The following LEMD3 variants were observed in gnomAD, a reference collection of about 807,000 sequenced individuals.
The protein encoded by LEMD3 is LEM domain containing 3.
LEMD3 carries 33 observed loss-of-function variants against 95.2 expected under a neutral mutation model. That is an observed-to-expected ratio of 0.35 (90% CI 0.26 to 0.46). LEMD3 has a LOEUF of 0.46. LEMD3 is among the 20% of genes least tolerant of loss of function. The pLI, the probability that LEMD3 is intolerant of heterozygous loss-of-function variation, is 1.00. For missense variants in LEMD3, 1,210 were observed against 1,192.8 expected (o/e 1.01, Z -0.21); for synonymous variants, 525 against 474.6 (o/e 1.11, Z -1.38).
rs149201478 is a variant in LEMD3 at position 65,210,889 on chromosome 12, T to A, written c.1523-37T>A. 6.1e-4 allele frequency: 915 copies of A among 1,500,614 alleles called. 25 individuals carry two copies. The East Asian group carries it at 0.015, about 24-fold the overall frequency. 93.0% of individuals were successfully genotyped at this position (1,500,614 alleles called of 1,614,324 possible). A position where few individuals can be genotyped will look rare whatever the true frequency, so the allele number is the denominator to read the frequency against. Reference sequence around the variant, plus strand: ...TGTTTGGGGGATTTTAATTCGTAAGTGATGCTAATACTTGTCTTTTTTTCC... The same window carrying A: ...TGTTTGGGGGATTTTAATTCGTAAGAGATGCTAATACTTGTCTTTTTTTCC... On this transcript the variant is annotated intron_variant, in intron 1 of 12. Coordinates refer to ENST00000308330, the MANE Select transcript of LEMD3 (RefSeq NM_014319.5).
chr12:65,231,662 C>T (rs1870633745), intron 4 of LEMD3, among the ~76,000 whole-genome samples: 2 of 152,016 alleles, frequency 1.3e-5, no homozygotes, highest in African/African-American at 2.4e-5. Context: ...GAGTGAGAGC[C>T]TGTCTCAAAA....
At chr12:65,198,924 T>G (rs1363501617) in intron 1 of LEMD3, among the ~76,000 whole-genome samples, 3 of 152,092 alleles carry the variant, frequency 2.0e-5, no homozygotes, top group Admixed American at 6.6e-5. Context: ...ACCACTACCT[T>G]TCTTCCCAAC....
At chr12:65,205,150 A>G (rs972120481) in intron 1 of LEMD3, among the ~76,000 whole-genome samples, 10 of 152,066 alleles carry the variant, frequency 6.6e-5, no homozygotes, top group Non-Finnish European at 1.3e-4. Context: ...ATCAGATCTC[A>G]TGAGAACTCA....
intron 10 of LEMD3, 128 bp from the exon 11 acceptor site, chr12:65,245,541 C>G (rs1333836930): frequency 1.4e-6 from 1 of 721,504 alleles, no homozygotes; most frequent in African/African-American, 1.8e-5. Context: ...TTACTTAATA[C>G]CAATTAAAAT....
intron 1 of LEMD3, among the ~76,000 whole-genome samples, chr12:65,189,697 TG>T: frequency 6.6e-6 from 1 of 152,332 alleles, no homozygotes; most frequent in African/African-American, 2.4e-5. Context: ...AAGACTAATT[TG>T]TTTGCAAAAT....
At chr12:65,218,504 G>GTT in intron 3 of LEMD3, 48 bp from the exon 4 acceptor site, 1 of 1,143,564 alleles carries the variant, frequency 8.7e-7, no homozygotes. Context: ...GTTTTCTTCT[G>GTT]TTTAAGAGAG....
intron 1 of LEMD3, among the ~76,000 whole-genome samples, chr12:65,186,009 A>G (rs1472149349): frequency 2.6e-5 from 4 of 152,068 alleles, no homozygotes; most frequent in African/African-American, 9.7e-5. Flanking sequence ...GTTATTTTAT[A>G]AACGTGCTAT....
At chr12:65,218,718 T>A in intron 4 of LEMD3, 99 bp downstream of exon 4, 1 of 736,020 alleles carries the variant, frequency 1.4e-6, no homozygotes. Flanking sequence ...TTAATTGTAC[T>A]GTTAAAAGCT....
At chr12:65,215,824 A>T (rs535076719) in intron 2 of LEMD3, among the ~76,000 whole-genome samples, 153 bp from the exon 3 acceptor site, 8 of 152,234 alleles carry the variant, frequency 5.3e-5, no homozygotes, top group Non-Finnish European at 8.8e-5. Context: ...GTTTCTTAAA[A>T]ATATGGTGCC....
intron 7 of LEMD3, 22 bp downstream of exon 7, chr12:65,240,052 C>G: frequency 1.3e-6 from 2 of 1,563,560 alleles, no homozygotes; most frequent in Non-Finnish European, 1.8e-6. Context: ...GTAAGAATCT[C>G]AACTATTTCT....
intron 1 of LEMD3, among the ~76,000 whole-genome samples, chr12:65,181,960 G>A (rs182584384): frequency 6.5e-4 from 99 of 151,832 alleles, no homozygotes; most frequent in African/African-American, 2.0e-3. Context: ...CCTTAGGTGA[G>A]AAGAGCAAAC....
chr12:65,182,490 G>A (rs1868937561), intron 1 of LEMD3, among the ~76,000 whole-genome samples: 1 of 152,166 alleles, frequency 6.6e-6, no homozygotes, highest in African/African-American at 2.4e-5. Flanking sequence ...AAGTAATAGA[G>A]TTGGCTAAAT....
chr12:65,193,732 C>CTCTG (rs1555193002), intron 1 of LEMD3, among the ~76,000 whole-genome samples: 1 of 129,356 alleles, frequency 7.7e-6, no homozygotes, highest in Non-Finnish European at 1.6e-5. Flanking sequence ...ACATAACTGG[C>CTCTG]TGTGTGTGTG....
intron 2 of LEMD3, among the ~76,000 whole-genome samples, chr12:65,212,211 A>G (rs1869960395): frequency 6.6e-6 from 1 of 152,024 alleles, no homozygotes; most frequent in South Asian, 2.1e-4. Context: ...TGGGGAAAAA[A>G]ACCCACCCCA....
intron 1 of LEMD3, among the ~76,000 whole-genome samples, chr12:65,184,864 A>G (rs1869010819): frequency 6.6e-6 from 1 of 152,132 alleles, no homozygotes; most frequent in African/African-American, 2.4e-5. Flanking sequence ...TAGCAACATG[A>G]CTTGAAAGCT....
intron 1 of LEMD3, among the ~76,000 whole-genome samples, chr12:65,197,287 A>G (rs1869462363): frequency 6.6e-6 from 1 of 152,128 alleles, no homozygotes. Context: ...GCCAAGTAGA[A>G]TGGTTGTGGG....
At chr12:65,198,907 G>T (rs1869512702) in intron 1 of LEMD3, among the ~76,000 whole-genome samples, 1 of 151,916 alleles carries the variant, frequency 6.6e-6, no homozygotes, top group Admixed American at 6.6e-5. Flanking sequence ...GGATACAGAG[G>T]GCTATCACCA....
intron 1 of LEMD3, among the ~76,000 whole-genome samples, chr12:65,194,809 T>TTATACTTTAGATTATAATTTATA (rs1296151139): frequency 1.7e-5 from 1 of 60,488 alleles, no homozygotes; most frequent in African/African-American, 7.2e-5. Flanking sequence ...ACTATTATCT[T>TTATACTTTAGATTATAATTTATA]AATTATACTT....
At chr12:65,192,203 A>G (rs184474487) in intron 1 of LEMD3, among the ~76,000 whole-genome samples, 26 of 152,238 alleles carry the variant, frequency 1.7e-4, no homozygotes, top group Admixed American at 3.9e-4. Context: ...ACTTCAAGAA[A>G]AGTTTGTTAC....
Sources: gnomAD v4.1 joint callset for allele counts (sites outside exome capture counted in the v4.1 genomes callset) on GRCh38, gnomAD v4.1.1 for gene constraint, MANE v1.5 for transcripts, NCBI Gene and HGNC (gene_info 2026-07-23, HGNC 2026-07-21) for gene names.